The following ALK variants were observed in gnomAD, a reference collection of about 807,000 sequenced individuals.
The protein encoded by ALK is ALK receptor tyrosine kinase, also known as ALK tyrosine kinase receptor.
Under a neutral mutation model 163.1 loss-of-function variants are expected in ALK, and 74 were observed. That is an observed-to-expected ratio of 0.45 (90% confidence interval 0.38 to 0.55). ALK has a LOEUF of 0.55. Ranked by LOEUF, ALK falls within the 20% of genes least tolerant of loss-of-function variation. ALK has a pLI of 0.00. For missense variants in ALK, 2,063 were observed against 2,105.3 expected (o/e 0.98, Z 0.39); for synonymous variants, 960 against 843.2 (o/e 1.14, Z -2.40).
intron 1 of ALK, among the ~76,000 whole-genome samples, chr2:29,740,465 T>C (rs1007971409): frequency 2.0e-5 from 3 of 152,124 alleles, no homozygotes; most frequent in African/African-American, 7.2e-5. Context: ...CAGAAAAACA[T>C]GGTTATTTGT....
intron 1 of ALK, among the ~76,000 whole-genome samples, chr2:29,739,402 A>G (rs1679987814): frequency 6.6e-6 from 1 of 151,868 alleles, no homozygotes. Context: ...TACTAAAAAT[A>G]CAAAAATTAG....
intron 8 of ALK, among the ~76,000 whole-genome samples, chr2:29,305,275 C>T (rs895500672): frequency 6.6e-6 from 1 of 152,122 alleles, no homozygotes; most frequent in Non-Finnish European, 1.5e-5. Flanking sequence ...TGTTACATCG[C>T]CTCTAGAAAA....
chr2:29,483,907 G>C (rs762013764), intron 4 of ALK, among the ~76,000 whole-genome samples: 3 of 152,148 alleles, frequency 2.0e-5, no homozygotes, highest in Non-Finnish European at 4.4e-5. Flanking sequence ...AAGAAAAACA[G>C]GTTTTAATGG....
chr2:29,276,930 A>G (rs538399134), intron 9 of ALK, among the ~76,000 whole-genome samples: 4 of 152,242 alleles, frequency 2.6e-5, no homozygotes, highest in African/African-American at 9.6e-5. Flanking sequence ...AGCTCTATAA[A>G]TCTGTTGGAA....
chr2:29,557,308 G>A (rs1257645069), intron 3 of ALK, among the ~76,000 whole-genome samples: 1 of 152,180 alleles, frequency 6.6e-6, no homozygotes, highest in African/African-American at 2.4e-5. Context: ...TATTGAAAGT[G>A]CTTGATTCTC....
chr2:29,462,125 T>A (rs750319542), intron 4 of ALK, among the ~76,000 whole-genome samples: 2 of 152,100 alleles, frequency 1.3e-5, no homozygotes, highest in African/African-American at 4.8e-5. Flanking sequence ...ATGATAAAAT[T>A]TGAATGGAAG....
chr2:29,717,810 G>T, intron 1 of ALK, 113 bp from the exon 2 acceptor site: 1 of 1,398,264 alleles, frequency 7.2e-7, no homozygotes, highest in Non-Finnish European at 1.0e-6. Context: ...GACATCCATC[G>T]GGAAGATGAG....
At chr2:29,396,325 C>T (rs1669302252) in intron 4 of ALK, among the ~76,000 whole-genome samples, 1 of 152,172 alleles carries the variant, frequency 6.6e-6, no homozygotes, top group African/African-American at 2.4e-5. Flanking sequence ...AGGACACATC[C>T]ACCTTCAGCC....
At position 29,786,921 on chromosome 2, in the gene ALK, G is replaced by A. The variant is rs555914878; in HGVS notation, c.668-69224C>T. Among the ~76,000 whole-genome samples the A allele has an allele frequency of 5.3e-5, 8 of 152,168 alleles. No individual in the cohort carries two copies. The South Asian group carries it at 6.2e-4, about 12-fold the overall frequency. ...AGCGATTCTCCTGCCTCAGCCTCCC[G>A]AGTAGCTGGGACTATAGGCAACCAC... On this transcript the variant is annotated intron_variant, in intron 1 of 28. Transcript: ENST00000389048.
chr2:29,763,734 G>C (rs1680779756), intron 1 of ALK, among the ~76,000 whole-genome samples: 1 of 152,092 alleles, frequency 6.6e-6, no homozygotes, highest in Non-Finnish European at 1.5e-5. Context: ...TCCACACTTA[G>C]TTATGATTTG....
chr2:29,404,540 C>A (rs62130032), intron 4 of ALK, among the ~76,000 whole-genome samples: 33,855 of 152,068 alleles, frequency 0.22, 4,169 homozygotes, highest in Non-Finnish European at 0.28. Flanking sequence ...AGAATTCTAC[C>A]TTCAAGGAAT....
chr2:29,570,512 G>A (rs1010690433), intron 3 of ALK, among the ~76,000 whole-genome samples: 7 of 152,206 alleles, frequency 4.6e-5, no homozygotes, highest in Non-Finnish European at 8.8e-5. Context: ...TCTGGATTGT[G>A]AGGGATTGTA....
At chr2:29,366,550 C>A (rs150617587) in intron 5 of ALK, among the ~76,000 whole-genome samples, 107 of 152,206 alleles carry the variant, frequency 7.0e-4, no homozygotes, top group Middle Eastern at 3.4e-3. Context: ...TGGATGGAGA[C>A]AGAGTGATCT....
intron 3 of ALK, among the ~76,000 whole-genome samples, chr2:29,646,377 A>G (rs770199015): frequency 6.6e-6 from 1 of 152,104 alleles, no homozygotes; most frequent in Non-Finnish European, 1.5e-5. Context: ...AAATATTTCT[A>G]CACATCTACA....
chr2:29,802,101 C>A (rs2148364887), intron 1 of ALK, among the ~76,000 whole-genome samples: 1 of 152,022 alleles, frequency 6.6e-6, no homozygotes, highest in South Asian at 2.1e-4. Context: ...ACAAAATCTC[C>A]CAAAACTAAT....
chr2:29,195,087 T>C (rs1417506854), intron 28 of ALK, among the ~76,000 whole-genome samples: 1 of 152,220 alleles, frequency 6.6e-6, no homozygotes, highest in Non-Finnish European at 1.5e-5. Flanking sequence ...TACCTCTGAC[T>C]CATTAAAACA....
chr2:29,196,910 A>T (rs751762922), intron 27 of ALK, 50 bp from the exon 28 acceptor site: 3 of 1,483,372 alleles, frequency 2.0e-6, no homozygotes, highest in Non-Finnish European at 1.9e-6. Context: ...CAATGATGAA[A>T]AATATATTTT....
intron 3 of ALK, among the ~76,000 whole-genome samples, chr2:29,610,112 C>T (rs576234256): frequency 8.5e-5 from 13 of 152,152 alleles, no homozygotes; most frequent in Non-Finnish European, 1.0e-4. Flanking sequence ...AGCATTTAGT[C>T]CATTCATGTT....
At chr2:29,745,605 T>A (rs183068104) in intron 1 of ALK, among the ~76,000 whole-genome samples, 137 of 152,302 alleles carry the variant, frequency 9.0e-4, no homozygotes, top group African/African-American at 3.2e-3. Context: ...CCTGACACAA[T>A]CTTTTTCATC....
Sources: allele counts gnomAD v4.1 joint callset (sites outside exome capture counted in the v4.1 genomes callset), GRCh38; gene constraint gnomAD v4.1.1; transcripts MANE v1.5; gene names NCBI Gene and HGNC (gene_info 2026-07-23, HGNC 2026-07-21).